Variants in MME observed in about 807,000 individuals in gnomAD.
MME encodes neprilysin.
A neutral mutation model predicts 113.2 loss-of-function variants in MME; 98 were observed. The observed-to-expected ratio is 0.87, with a 90% confidence interval of 0.74 to 1.02. MME has a LOEUF of 1.02. Among genes scored for constraint, MME ranks in the 50% least tolerant of loss-of-function variants. MME has a pLI of 0.00. For missense variants in MME, 836 were observed against 896.0 expected, an observed-to-expected ratio of 0.93 and a Z score of 0.86; for synonymous variants, 292 against 300.6, an observed-to-expected ratio of 0.97 and a Z score of 0.30.
At chr3:155,090,905 C>T (rs1716234534) in intron 3 of MME, among the ~76,000 whole-genome samples, 1 of 152,150 alleles carries the variant, frequency 6.6e-6, no homozygotes, top group Admixed American at 6.5e-5. Context: ...CAACAGCTAG[C>T]CTTCTCCTGG....
intron 1 of MME, among the ~76,000 whole-genome samples, chr3:155,048,298 A>T (rs1467936039): frequency 6.6e-6 from 1 of 152,184 alleles, no homozygotes; most frequent in Non-Finnish European, 1.5e-5. Flanking sequence ...CAGAGTCACA[A>T]AGGAAAAATC....
chr3:155,097,771 C>T (rs1037707593), intron 3 of MME, among the ~76,000 whole-genome samples: 2 of 152,226 alleles, frequency 1.3e-5, no homozygotes, highest in Non-Finnish European at 2.9e-5. Flanking sequence ...CAAAAATCTC[C>T]GCCTGGGAGT....
In MME at chr3:155,168,541, G is replaced by C. The variant is rs1297640966; in HGVS notation, c.1830G>C (p.Gln610His). ...ACCTCGTTGACTGGTGGACTCAACAGTCTGCAAGTAACTTTAAGGAGCAAT... is the reference window on the plus strand; with the variant it reads ...ACCTCGTTGACTGGTGGACTCAACACTCTGCAAGTAACTTTAAGGAGCAAT... ...DGDLVDWWTQ[Q>H]SASNFKEQSQ... The change falls in exon 19 of 23, where the codon CAG (glutamine) becomes CAC (histidine). Residue 610 changes from glutamine to histidine, a missense_variant. Physicochemically the swap from Gln to His is conservative, Grantham distance 24. Transcript: ENST00000360490. 4.3e-6 allele frequency: 7 copies of C among 1,613,674 alleles called. No homozygotes were observed. The highest frequency in any genetic ancestry group is 5.9e-6 in the Non-Finnish European group (7 of 1,179,708).
At chr3:155,128,215 C>T (rs1719843968) in intron 8 of MME, among the ~76,000 whole-genome samples, 1 of 151,844 alleles carries the variant, frequency 6.6e-6, no homozygotes, top group Non-Finnish European at 1.5e-5. Context: ...TTTTTAAATC[C>T]ATTCTTTTGG....
At chr3:155,119,425 T>C (rs1049677069) in intron 8 of MME, among the ~76,000 whole-genome samples, 1 of 151,688 alleles carries the variant, frequency 6.6e-6, no homozygotes. Flanking sequence ...TTTTTTTTTT[T>C]TTTTATTATA....
Position 155,125,127 on chromosome 3 carries a change from C to T in MME, c.720+6316C>T, listed in dbSNP as rs549713864. Among the ~76,000 whole-genome samples, 532 of 79,128 alleles carry T rather than the reference C, an allele frequency of 6.7e-3. 8 individuals are homozygous for T. The highest frequency in any genetic ancestry group is 0.021 in the African/African-American group (514 of 24,222). The allele number at this position is 79,128 out of a possible 152,430, so 51.9% of individuals were successfully genotyped here. A position where few individuals can be genotyped will look rare whatever the true frequency, so the allele number is the denominator to read the frequency against. On this transcript the variant is annotated intron_variant, in intron 8 of 22. Coordinates refer to ENST00000360490, the MANE Select transcript of MME (RefSeq NM_007289.4). ...TGTGGGATATAGTCTCGTGGTGCGC[C>T]GTTTTTAAGCCGGTCTGAAAAGCGC... is the stretch of plus-strand genomic sequence containing the variant.
intron 1 of MME, among the ~76,000 whole-genome samples, chr3:155,080,702 GGTTTCA>G (rs1715064195): frequency 1.3e-5 from 2 of 152,078 alleles, no homozygotes; most frequent in Admixed American, 6.6e-5. Flanking sequence ...CTATTTGTCT[GGTTTCA>G]AAATAAGGGT....
chr3:155,168,307 A>C (rs1197971654), intron 18 of MME, among the ~76,000 whole-genome samples, 185 bp from the exon 19 acceptor site: 2 of 152,230 alleles, frequency 1.3e-5, no homozygotes, highest in Non-Finnish European at 2.9e-5. Flanking sequence ...GCATTAGCAA[A>C]GAAAGCTCTG....
In MME at chr3:155,148,532, ATCT is replaced by A. The variant is rs1435836552; in HGVS notation, c.1498-13_1498-11del. On this transcript the variant is annotated splice_polypyrimidine_tract_variant and intron_variant, in intron 15 of 22. Transcript: ENST00000360490. ...TACCGGTTTTAATATTTCTTCCCAA[ATCT>A]TCTTTATAATACAGTTGAACTACAA... 2 of 1,538,440 alleles carry A rather than the reference ATCT, an allele frequency of 1.3e-6. No individual in the cohort carries two copies. Among genetic ancestry groups the A allele is most frequent in the Non-Finnish European group, 1.8e-6 (2 of 1,113,444 alleles).
At chr3:155,131,369 C>T (rs192120834) in intron 8 of MME, among the ~76,000 whole-genome samples, 3 of 152,186 alleles carry the variant, frequency 2.0e-5, no homozygotes, top group Non-Finnish European at 4.4e-5. Flanking sequence ...CATAACACAG[C>T]TATGACATGA....
At chr3:155,154,217 T>C (rs938234787) in intron 16 of MME, among the ~76,000 whole-genome samples, 1 of 152,130 alleles carries the variant, frequency 6.6e-6, no homozygotes, top group East Asian at 1.9e-4. Flanking sequence ...TGCAATTGGA[T>C]GGTGGCACAC....
intron 1 of MME, chr3:155,083,515 T>C (rs1559905583): frequency 6.5e-6 from 1 of 153,710 alleles, no homozygotes; most frequent in Non-Finnish European, 1.4e-5. Flanking sequence ...TATCTTTTGG[T>C]ACAGTGAGTG....
intron 1 of MME, among the ~76,000 whole-genome samples, chr3:155,070,061 A>G (rs573782726): frequency 8.5e-5 from 13 of 152,230 alleles, no homozygotes; most frequent in Non-Finnish European, 1.3e-4. Context: ...CAACTCTCCT[A>G]TAAGAATATA....
At chr3:155,051,430 A>C (rs528982338) in intron 1 of MME, among the ~76,000 whole-genome samples, 1 of 152,322 alleles carries the variant, frequency 6.6e-6, no homozygotes, top group East Asian at 1.9e-4. Flanking sequence ...TGGGTAATTT[A>C]TAAAGGAAAG....
At chr3:155,163,535 G>A (rs558138836) in intron 17 of MME, among the ~76,000 whole-genome samples, 5 of 152,266 alleles carry the variant, frequency 3.3e-5, no homozygotes, top group Admixed American at 6.5e-5. Context: ...GGAAAGCTGC[G>A]CTTCAATGTT....
chr3:155,029,676 A>T (rs924737883), intron 1 of MME, among the ~76,000 whole-genome samples: 1 of 152,106 alleles, frequency 6.6e-6, no homozygotes, highest in African/African-American at 2.4e-5. Flanking sequence ...TGTATGAATT[A>T]TATTTAATAC....
chr3:155,172,567 C>T lies in MME; in HGVS notation c.2108C>T (p.Ala703Val), dbSNP rs200313650. Residue 703 changes from alanine to valine, a missense_variant, in exon 22 of 23, where the codon GCG (alanine) becomes GTG (valine). Transcript: ENST00000360490. ...VWCGTYRPEY[A>V]VNSIKTDVHS... Reference sequence around the variant, plus strand: ...TGTGGAACCTATAGGCCAGAGTATGCGGTTAACTCCATTAAAACAGATGTG... The same window carrying T: ...TGTGGAACCTATAGGCCAGAGTATGTGGTTAACTCCATTAAAACAGATGTG... The T allele has an allele frequency of 3.3e-5, 53 of 1,612,564 alleles. No individual in the cohort carries two copies. Among genetic ancestry groups the T allele is most frequent in the East Asian group, 1.1e-4 (5 of 44,834 alleles).
At chr3:155,115,271 C>G (rs2108251930) in intron 4 of MME, 116 bp downstream of exon 4, 1 of 1,305,976 alleles carries the variant, frequency 7.7e-7, no homozygotes, top group East Asian at 2.5e-5. Flanking sequence ...AGTTAATAAT[C>G]CTTCCAGGAT....
intron 3 of MME, 31 bp downstream of exon 3, chr3:155,085,125 T>C (rs573470222): frequency 2.1e-6 from 3 of 1,416,432 alleles, no homozygotes; most frequent in South Asian, 2.4e-5. Flanking sequence ...GTAATAGTTA[T>C]ACAACTGATG....
Sources: allele counts gnomAD v4.1 joint callset (sites outside exome capture counted in the v4.1 genomes callset), GRCh38; gene constraint gnomAD v4.1.1; transcripts MANE v1.5; gene names NCBI Gene and HGNC (gene_info 2026-07-23, HGNC 2026-07-21).